The following GLDC variants were observed in gnomAD, a reference collection of about 807,000 sequenced individuals.
The protein encoded by GLDC is glycine decarboxylase.
GLDC carries 104 observed loss-of-function variants against 121.3 expected under a neutral mutation model. That is an observed-to-expected ratio of 0.86 (90% CI 0.73 to 1.01). The LOEUF is 1.01. Ranked by LOEUF, GLDC falls within the 50% of genes least tolerant of loss-of-function variation. The pLI is 0.00. For missense variants in GLDC, 1,429 were observed against 1,306.6 expected (o/e 1.09, Z -1.44); for synonymous variants, 546 against 480.6 (o/e 1.14, Z -1.78).
intron 21 of GLDC, among the ~76,000 whole-genome samples, chr9:6,549,463 A>G (rs1817464688): frequency 6.6e-6 from 1 of 152,176 alleles, no homozygotes; most frequent in Non-Finnish European, 1.5e-5. Flanking sequence ...TGTGCCAAGC[A>G]CTGCCAGGGT....
intron 7 of GLDC, among the ~76,000 whole-genome samples, chr9:6,603,476 T>C (rs1422148564): frequency 3.4e-5 from 5 of 147,862 alleles, no homozygotes; most frequent in Non-Finnish European, 1.5e-5. Context: ...TTGGACACAG[T>C]GGCCACGTTT....
At chr9:6,557,345 C>G (rs1486440526) in intron 17 of GLDC, among the ~76,000 whole-genome samples, 1 of 152,184 alleles carries the variant, frequency 6.6e-6, no homozygotes, top group Non-Finnish European at 1.5e-5. Flanking sequence ...CCTGTAATCT[C>G]AGCACTTTGG....
chr9:6,537,729 A>G (rs1286538505), intron 22 of GLDC, among the ~76,000 whole-genome samples: 3 of 152,126 alleles, frequency 2.0e-5, no homozygotes, highest in African/African-American at 4.8e-5. Context: ...GCAGTAAGTC[A>G]AGATCACAAC....
intron 16 of GLDC, 60 bp from the exon 17 acceptor site, chr9:6,558,744 C>T: frequency 2.6e-6 from 4 of 1,567,982 alleles, no homozygotes; most frequent in Middle Eastern, 1.7e-4. Context: ...TGAATAATGA[C>T]AGAAAAGTAC....
chr9:6,575,277 G>C (rs145829860), intron 15 of GLDC, among the ~76,000 whole-genome samples: 53 of 151,746 alleles, frequency 3.5e-4, no homozygotes, highest in African/African-American at 1.3e-3. Context: ...CGAAGATTCT[G>C]ATGTAACTGG....
intron 22 of GLDC, among the ~76,000 whole-genome samples, chr9:6,538,844 G>A (rs1286006685): frequency 1.3e-5 from 2 of 152,202 alleles, no homozygotes; most frequent in African/African-American, 4.8e-5. Context: ...CAGGGGAAAG[G>A]AGTTCTACTG....
At chr9:6,576,794 T>C (rs1403337289) in intron 15 of GLDC, among the ~76,000 whole-genome samples, 3 of 152,212 alleles carry the variant, frequency 2.0e-5, no homozygotes, top group Non-Finnish European at 4.4e-5. Context: ...CAGGTGAATT[T>C]TGAAGGAATG....
Position 6,602,119 on chromosome 9 carries a change from C to T in GLDC, c.1145G>A (p.Cys382Tyr), listed in dbSNP as rs759133707. 3.7e-6 allele frequency: 6 copies of T among 1,602,842 alleles called. No homozygotes were observed. Among genetic ancestry groups the T allele is most frequent in the Admixed American group, 1.7e-5 (1 of 60,012 alleles). Residue 382 changes from cysteine to tyrosine, a missense_variant, in exon 8 of 25, where the codon TGT becomes TAT. Coordinates refer to ENST00000321612, the MANE Select transcript of GLDC (RefSeq NM_000170.3). ...AGACGTGTGATTTACCTGAGCTGTA[C>T]AGATGTTGCTGGTAGCCTTGTCTCT... ...IRRDKATSNI[C>Y]TAQALLANMA...
chr9:6,605,105 AC>A, intron 6 of GLDC, 25 bp downstream of exon 6: 4 of 1,606,908 alleles, frequency 2.5e-6, no homozygotes, highest in Non-Finnish European at 3.4e-6. Context: ...GCCTCCACGG[AC>A]CCCCCACAAG....
intron 2 of GLDC, among the ~76,000 whole-genome samples, chr9:6,624,930 G>A (rs1403384131): frequency 1.3e-5 from 2 of 151,724 alleles, no homozygotes; most frequent in African/African-American, 4.8e-5. Flanking sequence ...GGAGATTGCA[G>A]TGAGCTGAGA....
chr9:6,564,123 C>T (rs1464474444), intron 16 of GLDC, among the ~76,000 whole-genome samples: 1 of 152,056 alleles, frequency 6.6e-6, no homozygotes, highest in Non-Finnish European at 1.5e-5. Context: ...TGGCGCATGC[C>T]TGTAATCCCA....
intron 7 of GLDC, among the ~76,000 whole-genome samples, 179 bp from the exon 8 acceptor site, chr9:6,602,384 T>C (rs1235055814): frequency 6.6e-6 from 1 of 152,124 alleles, no homozygotes; most frequent in Non-Finnish European, 1.5e-5. Flanking sequence ...CTGATTTTTT[T>C]TTTTTTTTTT....
Position 6,553,528 on chromosome 9 carries a change from C to T in GLDC, c.2316-19G>A. On this transcript the variant is annotated intron_variant, in intron 19 of 24. Coordinates refer to ENST00000321612, the MANE Select transcript of GLDC (RefSeq NM_000170.3). Reference sequence around the variant, plus strand: ...TTTCTTCCTGTATTTTTTTTAAGTGCAAATTCAGAAAATGTAAACGATTCA... The same window carrying T: ...TTTCTTCCTGTATTTTTTTTAAGTGTAAATTCAGAAAATGTAAACGATTCA... The T allele has an allele frequency of 6.2e-7, 1 of 1,611,534 alleles. No homozygotes were observed. The highest frequency in any genetic ancestry group is 1.1e-5 in the South Asian group (1 of 91,016).
intron 21 of GLDC, chr9:6,542,104 G>A: frequency 6.6e-6 from 1 of 152,294 alleles, no homozygotes; most frequent in East Asian, 2.0e-4. Flanking sequence ...GCTGGGCGTG[G>A]TGGCGCATGC....
At chr9:6,624,911 C>G (rs2129966275) in intron 2 of GLDC, among the ~76,000 whole-genome samples, 1 of 152,002 alleles carries the variant, frequency 6.6e-6, no homozygotes, top group South Asian at 2.1e-4. Flanking sequence ...TCGCTTGAAC[C>G]AGGGAGGCGG....
intron 21 of GLDC, chr9:6,541,875 G>A (rs1190467291): frequency 3.7e-5 from 5 of 136,876 alleles, no homozygotes; most frequent in Non-Finnish European, 6.3e-5. Context: ...TATAAAGAGC[G>A]TAAGACTCTG....
In GLDC at chr9:6,540,151, T is replaced by G. The variant is rs1480878540; in HGVS notation, c.2570-5A>C. 1 of 1,588,770 alleles carries G rather than the reference T, an allele frequency of 6.3e-7. No homozygotes were observed. Reference sequence around the variant, plus strand: ...TAAATTCATGACCCACATAACCTGTTCAGGAAAGTTGTTTCAGCCCAAGAT... The same window carrying G: ...TAAATTCATGACCCACATAACCTGTGCAGGAAAGTTGTTTCAGCCCAAGAT... On this transcript the variant is annotated splice_polypyrimidine_tract_variant and splice_region_variant and intron_variant, in intron 21 of 24. Coordinates refer to ENST00000321612, the MANE Select transcript of GLDC (RefSeq NM_000170.3).
In GLDC at chr9:6,604,039, T is replaced by G. The variant is rs112007780; in HGVS notation, c.1058+549A>C. On this transcript the variant is annotated intron_variant, in intron 7 of 24. Transcript: ENST00000321612. ...CACCGCACCCAGCCCTTTTTTTCTT[T>G]TCTTTTCTTTTTTTTTTAAGGAACA... 4.2e-3 allele frequency among the ~76,000 whole-genome samples: 638 copies of G among 152,262 alleles called. 8 individuals are homozygous for G. The highest frequency in any genetic ancestry group is 0.015 in the African/African-American group (618 of 41,552).
intron 2 of GLDC, among the ~76,000 whole-genome samples, chr9:6,620,985 C>T (rs768666953): frequency 1.3e-5 from 2 of 151,978 alleles, no homozygotes; most frequent in South Asian, 2.1e-4. Flanking sequence ...CTGGGCAAGG[C>T]GGTGAAACCC....
Sources: allele counts gnomAD v4.1 joint callset (sites outside exome capture counted in the v4.1 genomes callset), GRCh38; gene constraint gnomAD v4.1.1; transcripts MANE v1.5; gene names NCBI Gene and HGNC (gene_info 2026-07-23, HGNC 2026-07-21).